Variants in IL4R observed in about 807,000 individuals in gnomAD.
The protein encoded by IL4R is interleukin 4 receptor, also known as interleukin-4 receptor subunit alpha.
IL4R carries 17 observed loss-of-function variants against 41.5 expected under a neutral mutation model. The ratio of observed to expected loss-of-function variants is 0.41; its 90% CI spans 0.28 to 0.61. The LOEUF (loss-of-function observed/expected upper bound fraction) is 0.61. Ranked by LOEUF, IL4R falls within the 20% of genes least tolerant of loss-of-function variation. The probability of loss-of-function intolerance (pLI) is 0.31; values close to 1 mark genes in which losing one functional copy is unlikely to be tolerated. For missense variants in IL4R, 974 were observed against 1,043.1 expected, an observed-to-expected ratio of 0.93 and a Z score of 0.91; for synonymous variants, 402 against 422.9, an observed-to-expected ratio of 0.95 and a Z score of 0.61.
At position 27,318,795 on chromosome 16, in the gene IL4R, G is replaced by A. The variant is rs111319849; in HGVS notation, c.-152+4775G>A. ...GGGTCCCGGGAGGGGAAGAGGAGCC[G>A]TGGGGCCTTCCAAGGGTTTGGTGGA... On this transcript the variant is annotated intron_variant, in intron 1 of 10. Coordinates refer to ENST00000395762, the MANE Select transcript of IL4R (RefSeq NM_000418.4). 1,295 of 152,502 alleles carry A rather than the reference G, an allele frequency of 8.5e-3. 4 individuals are homozygous for A. Among genetic ancestry groups the A allele is most frequent in the Non-Finnish European group, 0.01 (708 of 68,164 alleles). The allele number at this position is 152,502 out of a possible 1,614,324, so 9.4% of individuals were successfully genotyped here. A position where few individuals can be genotyped will look rare whatever the true frequency, so the allele number is the denominator to read the frequency against.
chr16:27,321,445 CTGTT>C (rs924713221), intron 1 of IL4R, among the ~76,000 whole-genome samples: 8 of 152,208 alleles, frequency 5.3e-5, no homozygotes, highest in East Asian at 1.9e-4. Flanking sequence ...CACGCAAAGA[CTGTT>C]TGTTTGGTCA....
At chr16:27,317,755 G>C (rs898098467) in intron 1 of IL4R, among the ~76,000 whole-genome samples, 2 of 152,232 alleles carry the variant, frequency 1.3e-5, no homozygotes, top group African/African-American at 2.4e-5. Flanking sequence ...TCTGGAGGAA[G>C]TTGTTTAACC....
At position 27,340,276 on chromosome 16, in the gene IL4R, A is replaced by G. The variant is rs1380087318; in HGVS notation, c.70+3A>G. The G allele has an allele frequency of 1.2e-6, 2 of 1,611,460 alleles. No individual in the cohort carries two copies. Among genetic ancestry groups the G allele is most frequent in the Non-Finnish European group, 1.7e-6 (2 of 1,177,752 alleles). On this transcript the variant is annotated splice_donor_region_variant and intron_variant, in intron 3 of 10. Transcript: ENST00000395762. ...CCTGCTGCAGGTGGCAAGCTCTGGT[A>G]AGTCACCACTTCTCAATCATTCATT...
chr16:27,326,810 C>T (rs1475368857), intron 1 of IL4R, among the ~76,000 whole-genome samples: 4 of 152,126 alleles, frequency 2.6e-5, no homozygotes, highest in African/African-American at 9.7e-5. Context: ...AGTCTGTTGC[C>T]TCCCCTCCCT....
intron 2 of IL4R, among the ~76,000 whole-genome samples, chr16:27,334,745 G>T (rs1018643916): frequency 6.6e-6 from 1 of 151,942 alleles, no homozygotes; most frequent in African/African-American, 2.4e-5. Flanking sequence ...TCCTTTACTT[G>T]AGACTTTACT....
chr16:27,318,163 C>T (rs933606523), intron 1 of IL4R, among the ~76,000 whole-genome samples: 1 of 152,168 alleles, frequency 6.6e-6, no homozygotes, highest in East Asian at 1.9e-4. Context: ...TCATCCTCTT[C>T]GGTGTGATGC....
intron 2 of IL4R, among the ~76,000 whole-genome samples, chr16:27,334,839 C>T (rs1346548674): frequency 6.6e-6 from 1 of 152,124 alleles, no homozygotes; most frequent in Non-Finnish European, 1.5e-5. Context: ...CAGCCTCATG[C>T]TGAGCCAGTT....
At position 27,363,724 on chromosome 16, in the gene IL4R, C is replaced by A; in HGVS notation, c.2372C>A (p.Ser791Tyr). 6.2e-7 allele frequency: 1 copy of A among 1,613,744 alleles called. No individual in the cohort carries two copies. The highest frequency in any genetic ancestry group is 8.5e-7 in the Non-Finnish European group (1 of 1,180,008). The change falls in exon 11 of 11, where the codon TCC (serine) becomes TAC (tyrosine). Residue 791 changes from serine to tyrosine, a missense_variant. Physicochemically the swap from Ser to Tyr is moderately radical, Grantham distance 144 (BLOSUM62 -2). Coordinates refer to ENST00000395762, the MANE Select transcript of IL4R (RefSeq NM_000418.4). ...APSGISEKSK[S>Y]SSSFHPAPGN... The stretch of plus-strand genomic sequence containing the variant: ...TCGGGCATCTCAGAGAAGAGTAAAT[C>A]CTCATCATCCTTCCATCCTGCCCCT...
chr16:27,329,752 A>G (rs1348824292), intron 1 of IL4R, among the ~76,000 whole-genome samples: 1 of 152,114 alleles, frequency 6.6e-6, no homozygotes, highest in Non-Finnish European at 1.5e-5. Context: ...GCATCTTGAA[A>G]TAAAATAAAC....
chr16:27,349,209 G>T (rs559719658), intron 6 of IL4R, among the ~76,000 whole-genome samples: 15 of 152,234 alleles, frequency 9.9e-5, no homozygotes, highest in Non-Finnish European at 2.1e-4. Flanking sequence ...GGTTGGCCCT[G>T]GAGTTGCAGG....
In IL4R at chr16:27,360,677, G is replaced by A. The variant is rs377250128; in HGVS notation, c.850-89G>A. The A allele has an allele frequency of 2.8e-4, 427 of 1,520,506 alleles. 1 individual carries two copies. The African/African-American group carries it at 4.8e-3, about 17-fold the overall frequency. 94.2% of individuals were successfully genotyped at this position (1,520,506 alleles called of 1,614,324 possible). A position where few individuals can be genotyped will look rare whatever the true frequency, so the allele number is the denominator to read the frequency against. On this transcript the variant is annotated intron_variant, in intron 9 of 10. Transcript: ENST00000395762. The stretch of plus-strand genomic sequence containing the variant: ...TTGGACTTCTGATCTGTGTGATGTC[G>A]AGGCTTGTACCCCTTCCTGAGCATT...
intron 9 of IL4R, among the ~76,000 whole-genome samples, chr16:27,359,274 A>G (rs2086200355): frequency 1.3e-5 from 2 of 151,932 alleles, no homozygotes; most frequent in African/African-American, 4.8e-5. Flanking sequence ...GGTCATCATC[A>G]CTGTGTCATT....
intron 2 of IL4R, among the ~76,000 whole-genome samples, chr16:27,338,748 A>T (rs1036705575): frequency 6.6e-6 from 1 of 152,110 alleles, no homozygotes; most frequent in Non-Finnish European, 1.5e-5. Flanking sequence ...ACACAGCAGC[A>T]TGGCATCGTC....
In IL4R at chr16:27,321,588, T is replaced by C. The variant is rs553845908; in HGVS notation, c.-152+7568T>C. Among the ~76,000 whole-genome samples the C allele has an allele frequency of 2.6e-5, 4 of 152,356 alleles. No homozygotes were observed. In the South Asian group the frequency reaches 8.3e-4, roughly 32 times the overall value. The stretch of plus-strand genomic sequence containing the variant: ...TTGGGCTTGTCAGCTAAAATCTCCA[T>C]GTTTCTCTTCTATATGAGCTGCTGT... On this transcript the variant is annotated intron_variant, in intron 1 of 10. Coordinates refer to ENST00000395762, the MANE Select transcript of IL4R (RefSeq NM_000418.4).
At position 27,344,948 on chromosome 16, in the gene IL4R, G is replaced by T; in HGVS notation, c.289G>T (p.Asp97Tyr). 2 of 1,614,176 alleles carry T rather than the reference G, an allele frequency of 1.2e-6. 1 individual carries two copies. The highest frequency in any genetic ancestry group is 1.7e-6 in the Non-Finnish European group (2 of 1,180,026). ...HLLMDDVVSADNYTLDLWAGQ... is the reference protein window; with the variant it reads ...HLLMDDVVSAYNYTLDLWAGQ... Reference sequence around the variant, plus strand: ...GCTCATGGATGACGTGGTCAGTGCGGATAACTATACACTGGACCTGTGGGC... The same window carrying T: ...GCTCATGGATGACGTGGTCAGTGCGTATAACTATACACTGGACCTGTGGGC... The change falls in exon 5 of 11, where the codon GAT (aspartate) becomes TAT (tyrosine). Residue 97 changes from aspartate (D) to tyrosine (Y), a missense_variant. By Grantham distance (160) the Asp-to-Tyr change is radical. Transcript: ENST00000395762.
rs55802840 is a variant in IL4R at position 27,364,663 on chromosome 16, G to C, written c.*833G>C. On this transcript the variant is annotated 3_prime_UTR_variant, in exon 11 of 11. Transcript: ENST00000395762. Reference sequence around the variant, plus strand: ...GGTGCTAGGGAAGGCGGGAACCTTGGGTTGAGTAATGCTCGTCTGTGTGTT... The same window carrying C: ...GGTGCTAGGGAAGGCGGGAACCTTGCGTTGAGTAATGCTCGTCTGTGTGTT... 945 of 152,324 alleles carry C rather than the reference G, an allele frequency of 6.2e-3. 2 individuals are homozygous for C. The highest frequency in any genetic ancestry group is 6.4e-3 in the South Asian group (31 of 4,828). 9.4% of individuals were successfully genotyped at this position (152,324 alleles called of 1,614,324 possible).
At chr16:27,335,460 C>T (rs2141109394) in intron 2 of IL4R, among the ~76,000 whole-genome samples, 1 of 152,198 alleles carries the variant, frequency 6.6e-6, no homozygotes. Context: ...CTCCAACTCC[C>T]AGGCTCAAGC....
At chr16:27,315,329 GT>G (rs2084610803) in intron 1 of IL4R, 1 of 152,378 alleles carries the variant, frequency 6.6e-6, no homozygotes, top group African/African-American at 2.4e-5. Flanking sequence ...TGAATGGGAG[GT>G]GACCTGCTAA....
chr16:27,338,073 C>T (rs558468107), intron 2 of IL4R, among the ~76,000 whole-genome samples: 69 of 151,254 alleles, frequency 4.6e-4, no homozygotes, highest in African/African-American at 1.6e-3. Flanking sequence ...TCTCCCACCT[C>T]GGCCTCCCGT....
Sources: allele counts gnomAD v4.1 joint callset (sites outside exome capture counted in the v4.1 genomes callset), GRCh38; gene constraint gnomAD v4.1.1; transcripts MANE v1.5; gene names NCBI Gene and HGNC (gene_info 2026-07-23, HGNC 2026-07-21).